Variants in KIAA1217 observed in about 807,000 individuals in gnomAD.
The protein encoded by KIAA1217 is sickle tail protein homolog.
KIAA1217 carries 88 observed loss-of-function variants against 163.9 expected under a neutral mutation model. That is an observed-to-expected ratio of 0.54 (90% CI 0.45 to 0.64). The LOEUF is 0.64. KIAA1217 is among the 30% of genes least tolerant of loss of function. The pLI, the probability that KIAA1217 is intolerant of heterozygous loss-of-function variation, is 0.00. For synonymous variants in KIAA1217, 903 were observed against 923.1 expected, an observed-to-expected ratio of 0.98 and a Z score of 0.39; for missense variants, 2,372 against 2,475.0, an observed-to-expected ratio of 0.96 and a Z score of 0.88.
At chr10:24,303,140 A>G (rs766564065) in intron 2 of KIAA1217, among the ~76,000 whole-genome samples, 1 of 151,988 alleles carries the variant, frequency 6.6e-6, no homozygotes, top group African/African-American at 2.4e-5. Flanking sequence ...CAGCCTTCCT[A>G]GTAGCTGGGA....
intron 2 of KIAA1217, among the ~76,000 whole-genome samples, chr10:24,083,882 A>G (rs2061610615): frequency 6.6e-6 from 1 of 152,148 alleles, no homozygotes; most frequent in Non-Finnish European, 1.5e-5. Context: ...TAGCAGGTCA[A>G]GCAAGTAAAT....
At chr10:24,103,054 C>T (rs1472132251) in intron 2 of KIAA1217, among the ~76,000 whole-genome samples, 1 of 152,170 alleles carries the variant, frequency 6.6e-6, no homozygotes, top group East Asian at 1.9e-4. Context: ...TGACTGTGAG[C>T]TCTCCCCAGC....
intron 2 of KIAA1217, among the ~76,000 whole-genome samples, chr10:24,145,573 T>C (rs564336759): frequency 6.6e-6 from 1 of 152,336 alleles, no homozygotes; most frequent in Admixed American, 6.5e-5. Context: ...AAGGGGAGTT[T>C]ATTACGGAGT....
chr10:23,971,257 C>T (rs573896292), intron 1 of KIAA1217, among the ~76,000 whole-genome samples: 1 of 152,330 alleles, frequency 6.6e-6, no homozygotes, highest in South Asian at 2.1e-4. Context: ...AGGTCATTTG[C>T]CAGTTAAACT....
intron 1 of KIAA1217, among the ~76,000 whole-genome samples, chr10:23,790,375 A>C (rs1188184631): frequency 1.0e-5 from 1 of 100,420 alleles, no homozygotes; most frequent in Admixed American, 1.1e-4. Flanking sequence ...ACATATACAT[A>C]TGTATATATA....
chr10:23,873,688 T>TGTTTC (rs768505298), intron 1 of KIAA1217, among the ~76,000 whole-genome samples: 1,924 of 130,392 alleles, frequency 0.015, 52 homozygotes, highest in African/African-American at 0.06. Context: ...AGTTGTCTGT[T>TGTTTC]TCTCTCTCTC....
chr10:23,858,063 A>G (rs1839783232), intron 1 of KIAA1217, among the ~76,000 whole-genome samples: 1 of 152,040 alleles, frequency 6.6e-6, no homozygotes, highest in South Asian at 2.1e-4. Context: ...AAGTTGTGCT[A>G]CTTGGTAATT....
chr10:24,357,585 C>T lies in KIAA1217; in HGVS notation c.355-23284C>T, dbSNP rs1008417186. On this transcript the variant is annotated intron_variant, in intron 2 of 20. Coordinates refer to ENST00000376454, the MANE Select transcript of KIAA1217 (RefSeq NM_019590.5). ...GGATGGAATGTCTTACAATACAAAG[C>T]CTTTGTAATAATGAGAGGGAAATAG... is the stretch of plus-strand genomic sequence containing the variant. 1.2e-4 allele frequency among the ~76,000 whole-genome samples: 19 copies of T among 152,202 alleles called. No individual in the cohort carries two copies. In the East Asian group the frequency reaches 3.7e-3, roughly 29 times the overall value.
intron 2 of KIAA1217, among the ~76,000 whole-genome samples, chr10:24,269,902 A>G (rs766098274): frequency 4.6e-5 from 7 of 152,208 alleles, no homozygotes; most frequent in East Asian, 1.9e-4. Flanking sequence ...TAAATTTCCA[A>G]TGCTGTGATT....
rs779022753 is a variant in KIAA1217, at chr10:24,528,107, G to A, written c.3070G>A (p.Val1024Met). ...AAGGGGAGATGCCCCAGTGGACAAG[G>A]TGGAACTTTCAGGTAAGTTCCGGTC... ...LPRGDAPVDK[V>M]ELSEDSPNSE... The change falls in exon 14 of 21, where the codon GTG becomes ATG. Residue 1024 changes from valine (V) to methionine (M), a missense_variant. Physicochemically the swap from Val to Met is conservative, Grantham distance 21 (BLOSUM62 1). Coordinates refer to ENST00000376454, the MANE Select transcript of KIAA1217 (RefSeq NM_019590.5). The A allele has an allele frequency of 4.3e-6, 7 of 1,613,952 alleles. No individual in the cohort carries two copies. In the South Asian group the frequency reaches 6.6e-5, roughly 15 times the overall value.
At chr10:24,367,124 G>A in intron 2 of KIAA1217, 1 of 985,024 alleles carries the variant, frequency 1.0e-6, no homozygotes, top group Non-Finnish European at 1.2e-6. Context: ...CACAGGCTTT[G>A]AAGGGCATGC....
chr10:24,156,016 A>T (rs2064857681), intron 2 of KIAA1217, among the ~76,000 whole-genome samples: 1 of 152,196 alleles, frequency 6.6e-6, no homozygotes, highest in South Asian at 2.1e-4. Context: ...TTATACCTTT[A>T]GTAACTGCAC....
chr10:24,363,379 C>T (rs1286918322), intron 2 of KIAA1217, among the ~76,000 whole-genome samples: 1 of 152,130 alleles, frequency 6.6e-6, no homozygotes, highest in East Asian at 1.9e-4. Context: ...TTTAGTACAA[C>T]AACAATGTCT....
At chr10:23,881,043 C>CTTT (rs1013297359) in intron 1 of KIAA1217, among the ~76,000 whole-genome samples, 6 of 151,444 alleles carry the variant, frequency 4.0e-5, no homozygotes, top group Admixed American at 2.6e-4. Flanking sequence ...GTATACTAGC[C>CTTT]TGGGGGGAAA....
At chr10:24,469,802 G>A (rs376088885) in intron 5 of KIAA1217, among the ~76,000 whole-genome samples, 2 of 152,160 alleles carry the variant, frequency 1.3e-5, no homozygotes, top group East Asian at 3.9e-4. Context: ...AGTAGAGAGG[G>A]GGTTTTGCCA....
chr10:24,115,874 G>A (rs1266395119), intron 2 of KIAA1217, among the ~76,000 whole-genome samples: 3 of 152,150 alleles, frequency 2.0e-5, no homozygotes, highest in Non-Finnish European at 1.5e-5. Context: ...TTTCCATGGG[G>A]GCACTAGAAA....
At chr10:23,852,006 C>G (rs1342169480) in intron 1 of KIAA1217, among the ~76,000 whole-genome samples, 2 of 152,204 alleles carry the variant, frequency 1.3e-5, no homozygotes, top group East Asian at 3.9e-4. Context: ...TGTGCAGAAG[C>G]TCTTTCATTT....
At chr10:24,147,832 C>CAAAAAAAAAAAAAAAAAAAAAAAA (rs1176106711) in intron 2 of KIAA1217, among the ~76,000 whole-genome samples, 18 of 20,772 alleles carry the variant, frequency 8.7e-4, no homozygotes, top group East Asian at 2.6e-3. Context: ...TACTCTGTCT[C>CAAAAAAAAAAAAAAAAAAAAAAAA]AAAAAAAAAA....
intron 1 of KIAA1217, among the ~76,000 whole-genome samples, chr10:23,712,422 T>C (rs925819427): frequency 6.6e-6 from 1 of 151,742 alleles, no homozygotes; most frequent in Non-Finnish European, 1.5e-5. Context: ...GCCAAGTCAA[T>C]GAACATCTTG....
Sources: allele counts gnomAD v4.1 joint callset (sites outside exome capture counted in the v4.1 genomes callset), GRCh38; gene constraint gnomAD v4.1.1; transcripts MANE v1.5; gene names NCBI Gene and HGNC (gene_info 2026-07-23, HGNC 2026-07-21).